The following SEMA3A variants were observed in gnomAD, a reference collection of about 807,000 sequenced individuals.
SEMA3A encodes the protein semaphorin 3A.
In SEMA3A, 29 loss-of-function variants were observed where a neutral mutation model predicts 97.9. That is an observed-to-expected ratio of 0.30 (90% CI 0.22 to 0.40). The LOEUF is 0.40. SEMA3A is among the 10% of genes least tolerant of loss of function. The pLI, the probability that SEMA3A is intolerant of heterozygous loss-of-function variation, is 1.00. For synonymous variants in SEMA3A, 321 were observed against 323.7 expected, an observed-to-expected ratio of 0.99 and a Z score of 0.09; for missense variants, 763 against 951.3, an observed-to-expected ratio of 0.80 and a Z score of 2.60.
chr7:84,361,803 G>T (rs1490043028), intron 2 of SEMA3A, among the ~76,000 whole-genome samples: 1 of 151,960 alleles, frequency 6.6e-6, no homozygotes, highest in Non-Finnish European at 1.5e-5. Flanking sequence ...GTAGGCCAGG[G>T]AAGTTAACTG....
chr7:84,030,721 T>A (rs894552455), intron 6 of SEMA3A, among the ~76,000 whole-genome samples: 1 of 152,176 alleles, frequency 6.6e-6, no homozygotes, highest in Non-Finnish European at 1.5e-5. Flanking sequence ...TTTTTATCCA[T>A]TAAGAACTTT....
chr7:84,251,732 G>A (rs571322267), intron 3 of SEMA3A, among the ~76,000 whole-genome samples: 23 of 152,226 alleles, frequency 1.5e-4, no homozygotes, highest in Non-Finnish European at 3.1e-4. Flanking sequence ...TATCCTGAGA[G>A]TGACTGGTAG....
intron 15 of SEMA3A, among the ~76,000 whole-genome samples, chr7:83,975,946 G>A (rs369373066): frequency 5.9e-5 from 9 of 152,216 alleles, no homozygotes; most frequent in Middle Eastern, 3.4e-3. Context: ...AGGGACAGTC[G>A]TAACATTTAC....
At chr7:84,247,641 A>C (rs950089150) in intron 3 of SEMA3A, among the ~76,000 whole-genome samples, 2 of 152,236 alleles carry the variant, frequency 1.3e-5, no homozygotes, top group African/African-American at 4.8e-5. Flanking sequence ...ATTATCTGCA[A>C]GATGTAGAAT....
chr7:84,246,488 C>A (rs1435507385), intron 3 of SEMA3A, among the ~76,000 whole-genome samples: 2 of 151,956 alleles, frequency 1.3e-5, no homozygotes, highest in South Asian at 4.1e-4. Flanking sequence ...ATGACTAACA[C>A]CCCCAAATTA....
intron 4 of SEMA3A, among the ~76,000 whole-genome samples, chr7:84,097,329 A>C (rs1794806068): frequency 6.6e-6 from 1 of 152,144 alleles, no homozygotes; most frequent in Non-Finnish European, 1.5e-5. Flanking sequence ...TTGAAACAGA[A>C]AGTAGTCTAA....
intron 1 of SEMA3A, among the ~76,000 whole-genome samples, chr7:84,451,921 T>C (rs1805566383): frequency 6.6e-6 from 1 of 152,254 alleles, no homozygotes; most frequent in African/African-American, 2.4e-5. Context: ...AGTATCATTA[T>C]ATTTTCCACA....
intron 1 of SEMA3A, among the ~76,000 whole-genome samples, chr7:84,492,092 T>C (rs1309566100): frequency 1.3e-5 from 2 of 152,178 alleles, no homozygotes; most frequent in Non-Finnish European, 2.9e-5. Flanking sequence ...GGGTATGTGC[T>C]TTAAAGATTT....
In SEMA3A at chr7:84,404,144, G is replaced by GA. The variant is rs1004199031; in HGVS notation, c.-245-32245dup. On this transcript the variant is annotated intron_variant, in intron 1 of 3. Transcript: ENST00000424555. ...TAATGGCAAAGAAGTTAAAAACTTT[G>GA]AAAAAAAATTAGACGAATGGATAAC... 8.2e-4 allele frequency among the ~76,000 whole-genome samples: 124 copies of GA among 151,776 alleles called. 1 individual carries two copies. Among genetic ancestry groups the GA allele is most frequent in the African/African-American group, 2.7e-3 (113 of 41,420 alleles).
chr7:84,166,746 G>T (rs1797222039), intron 1 of SEMA3A, among the ~76,000 whole-genome samples: 1 of 148,298 alleles, frequency 6.7e-6, no homozygotes, highest in Non-Finnish European at 1.5e-5. Context: ...GCGGTGGCAG[G>T]CACCTGTAAT....
chr7:84,300,855 G>T (rs1800991386), intron 3 of SEMA3A, among the ~76,000 whole-genome samples: 1 of 151,912 alleles, frequency 6.6e-6, no homozygotes, highest in Non-Finnish European at 1.5e-5. Flanking sequence ...ATTTTTAAAG[G>T]ATATAGTCAT....
chr7:84,099,069 T>C lies in SEMA3A; in HGVS notation c.453+11401A>G, dbSNP rs1298723501. Among the ~76,000 whole-genome samples, 7 of 49,328 alleles carry C rather than the reference T, an allele frequency of 1.4e-4. 2 individuals carry two copies. The highest frequency in any genetic ancestry group is 2.6e-4 in the Non-Finnish European group (4 of 15,340). The allele number at this position is 49,328 out of a possible 152,430, so 32.4% of individuals were successfully genotyped here. A position where few individuals can be genotyped will look rare whatever the true frequency, so the allele number is the denominator to read the frequency against. On this transcript the variant is annotated intron_variant, in intron 4 of 16. Coordinates refer to ENST00000265362, the MANE Select transcript of SEMA3A (RefSeq NM_006080.3). ...ATTAATCAGGAATTACATTTTCTTTTTTTTTCTTTTTTTTTTTTTGAGACG... is the reference window on the plus strand; with the variant it reads ...ATTAATCAGGAATTACATTTTCTTTCTTTTTCTTTTTTTTTTTTTGAGACG...
intron 14 of SEMA3A, among the ~76,000 whole-genome samples, chr7:83,978,742 G>C (rs1393255510): frequency 6.6e-6 from 1 of 152,134 alleles, no homozygotes; most frequent in Non-Finnish European, 1.5e-5. Context: ...TGTGAAACAC[G>C]AACTACAAAG....
intron 4 of SEMA3A, among the ~76,000 whole-genome samples, chr7:84,092,424 G>A (rs553327443): frequency 2.0e-4 from 31 of 152,090 alleles, no homozygotes; most frequent in Non-Finnish European, 2.8e-4. Flanking sequence ...CTTCCTGTGC[G>A]GGGAAGAAAA....
rs182981610 is a variant in SEMA3A at position 84,419,881 on chromosome 7, A to G, written c.-245-47981T>C. 2.0e-5 allele frequency among the ~76,000 whole-genome samples: 3 copies of G among 152,302 alleles called. No individual in the cohort carries two copies. The East Asian group carries it at 5.8e-4, about 29-fold the overall frequency. ...GAAGGAATGCTCCAGAACAGATGCA[A>G]TCTACAAAAACTGCTTTTTTGTTTG... On this transcript the variant is annotated intron_variant, in intron 1 of 3. Coordinates refer to the SEMA3A transcript ENST00000424555.
intron 1 of SEMA3A, among the ~76,000 whole-genome samples, chr7:84,429,547 T>TATATATATAGAG: frequency 8.6e-6 from 1 of 115,932 alleles, no homozygotes; most frequent in Admixed American, 1.0e-4. Context: ...TATATATATA[T>TATATATATAGAG]AGCGAGAGAG....
Position 83,956,071 on chromosome 7 carries a change from T to C in SEMA3A, c.*5300A>G, listed in dbSNP as rs1788273360. On this transcript the variant is annotated 3_prime_UTR_variant, in exon 17 of 17. Transcript: ENST00000265362. The stretch of plus-strand genomic sequence containing the variant: ...GTGGGTCTCATTTTTTAAAAAACTT[T>C]TTTGGTTTGTTTGTTTAAAATAATA... 1 of 152,164 alleles carries C rather than the reference T, an allele frequency of 6.6e-6. No individual in the cohort carries two copies. The highest frequency in any genetic ancestry group is 1.9e-4 in the East Asian group (1 of 5,192). The allele number at this position is 152,164 out of a possible 1,614,324, so 9.4% of individuals were successfully genotyped here.
intron 5 of SEMA3A, among the ~76,000 whole-genome samples, chr7:84,059,538 AAT>A (rs1244601300): frequency 3.3e-5 from 5 of 152,094 alleles, no homozygotes; most frequent in Admixed American, 3.3e-4. Flanking sequence ...AGATAACCTA[AAT>A]TTAATTTTTT....
chr7:84,194,796 G>GAAA (rs36048075), upstream of SEMA3A: 3 of 153,426 alleles, frequency 2.0e-5, no homozygotes, highest in Non-Finnish European at 3.6e-5. Flanking sequence ...CCTCCAAAAA[G>GAAA]AAAAAAAAAA....
Sources: gnomAD v4.1 joint callset for allele counts (sites outside exome capture counted in the v4.1 genomes callset) on GRCh38, gnomAD v4.1.1 for gene constraint, MANE v1.5 for transcripts, NCBI Gene and HGNC (gene_info 2026-07-23, HGNC 2026-07-21) for gene names.